PRPF8: variants seen among roughly 807,000 people sequenced by gnomAD.
PRPF8 encodes the protein pre-mRNA-processing-splicing factor 8.
PRPF8 carries 64 observed loss-of-function variants against 285.9 expected under a neutral mutation model. That is an observed-to-expected ratio of 0.22 (90% CI 0.18 to 0.28). The LOEUF (loss-of-function observed/expected upper bound fraction) is 0.28, where lower values mean the gene tolerates loss of function less well. Ranked by LOEUF, PRPF8 falls within the 10% of genes least tolerant of loss-of-function variation. The pLI, the probability that PRPF8 is intolerant of heterozygous loss-of-function variation, is 1.00. For missense variants in PRPF8, 1,426 were observed against 3,026.7 expected (o/e 0.47, Z 12.41); for synonymous variants, 1,325 against 1,118.2 (o/e 1.18, Z -3.69).
At chr17:1,668,033 T>A (rs1382344239) in intron 24 of PRPF8, among the ~76,000 whole-genome samples, 1 of 152,254 alleles carries the variant, frequency 6.6e-6, no homozygotes, top group Admixed American at 6.5e-5. Context: ...TTCATTTAAT[T>A]CTCACAAAAG....
chr17:1,663,760 A>G (rs955976220), intron 24 of PRPF8, among the ~76,000 whole-genome samples: 3 of 149,174 alleles, frequency 2.0e-5, no homozygotes, highest in Admixed American at 6.8e-5. Context: ...TATGCTGTCT[A>G]TAGGAAATAA....
intron 24 of PRPF8, among the ~76,000 whole-genome samples, chr17:1,671,850 C>CAAAAAAAAAA (rs1225346730): frequency 2.0e-5 from 1 of 49,810 alleles, no homozygotes; most frequent in Non-Finnish European, 4.1e-5. Context: ...GACTCCATCT[C>CAAAAAAAAAA]AAAAAAAAAA....
intron 24 of PRPF8, among the ~76,000 whole-genome samples, chr17:1,672,698 A>G (rs1912392279): frequency 6.6e-6 from 1 of 152,138 alleles, no homozygotes; most frequent in Non-Finnish European, 1.5e-5. Flanking sequence ...AGTGAAGGAG[A>G]AACGAACCCC....
In PRPF8 at chr17:1,683,798, G is replaced by A. The variant is rs1039244912; in HGVS notation, c.101-97C>T. ...AGCTCCTGTCAGTGAGTGTGAGGGAGAAGCAGGCACCAGCAGGAAGAAGCA... is the reference window on the plus strand; with the variant it reads ...AGCTCCTGTCAGTGAGTGTGAGGGAAAAGCAGGCACCAGCAGGAAGAAGCA... On this transcript the variant is annotated intron_variant, in intron 2 of 42. Coordinates refer to ENST00000304992, the MANE Select transcript of PRPF8 (RefSeq NM_006445.4). 5 of 1,460,216 alleles carry A rather than the reference G, an allele frequency of 3.4e-6. No homozygotes were observed. In the African/African-American group the frequency reaches 4.2e-5, roughly 12 times the overall value. 90.5% of individuals were successfully genotyped at this position (1,460,216 alleles called of 1,614,324 possible).
chr17:1,652,015 T>G (rs1428859505), intron 39 of PRPF8: 2 of 631,290 alleles, frequency 3.2e-6, no homozygotes, highest in African/African-American at 3.6e-5. Flanking sequence ...TCCAGGAATC[T>G]GCACTGCTCA....
At position 1,674,672 on chromosome 17, in the gene PRPF8, G is replaced by A. The variant is rs575422716; in HGVS notation, c.3069C>T (p.Asn1023=). 8 of 1,613,508 alleles carry A rather than the reference G, an allele frequency of 5.0e-6. No individual in the cohort carries two copies. The East Asian group carries it at 1.8e-4, about 36-fold the overall frequency. ...TGATGATCCCATATGAATTCGTATG[G>A]TTCATGTCCTAGAAAGAAAGAACTA... The part of the protein sequence containing the change: ...NNVVINYKDM[N]HTNSYGIIRG... Residue 1023 remains asparagine, a synonymous_variant, in exon 21 of 43, where the codon AAC becomes AAT. Coordinates refer to ENST00000304992, the MANE Select transcript of PRPF8 (RefSeq NM_006445.4).
chr17:1,666,222 A>C (rs1433882391), intron 24 of PRPF8, among the ~76,000 whole-genome samples: 1 of 151,894 alleles, frequency 6.6e-6, no homozygotes, highest in Admixed American at 6.6e-5. Flanking sequence ...ACCTTAACAA[A>C]CTAGCAAAGG....
In PRPF8 at chr17:1,678,899, AAC is replaced by A. The variant is rs1431487373; in HGVS notation, c.1600-20_1600-19del. The A allele has an allele frequency of 6.2e-7, 1 of 1,613,988 alleles. No individual in the cohort carries two copies. Among genetic ancestry groups the A allele is most frequent in the East Asian group, 2.2e-5 (1 of 44,900 alleles). On this transcript the variant is annotated intron_variant, in intron 11 of 42. Coordinates refer to ENST00000304992, the MANE Select transcript of PRPF8 (RefSeq NM_006445.4). Reference sequence around the variant, plus strand: ...TTTCTTTCCTGGAGAAGATGCAAAAAACAGACAGAACGTGAATGAGCAATGGA... The same window carrying A: ...TTTCTTTCCTGGAGAAGATGCAAAAAAGACAGAACGTGAATGAGCAATGGA...
Position 1,675,418 on chromosome 17 carries a change from T to A in PRPF8, c.2873-79A>T. On this transcript the variant is annotated intron_variant, in intron 19 of 42. Coordinates refer to ENST00000304992, the MANE Select transcript of PRPF8 (RefSeq NM_006445.4). This position sits in a 1 kb window ranked among gnomAD's most constrained non-coding sequence, Gnocchi z 6.0. ...AGCCCCACAGGAACTATCATTACCT[T>A]CCATAACCAATCCCACTATGATTCC... is the stretch of plus-strand genomic sequence containing the variant. 3 of 1,536,484 alleles carry A rather than the reference T, an allele frequency of 2.0e-6. No individual in the cohort carries two copies. Among genetic ancestry groups the A allele is most frequent in the East Asian group, 2.2e-5 (1 of 44,532 alleles).
At position 1,658,839 on chromosome 17, in the gene PRPF8, C is replaced by T. The variant is rs1911529234; in HGVS notation, c.5139-76G>A. ...GAAACAAGACAAGCTGCCAACTCTA[C>T]AGAGGAAGAAAGACTGTTCGCCAGG... On this transcript the variant is annotated intron_variant, in intron 32 of 42. Coordinates refer to ENST00000304992, the MANE Select transcript of PRPF8 (RefSeq NM_006445.4). This position sits in a 1 kb window ranked among gnomAD's most constrained non-coding sequence, Gnocchi z 4.1. 1 of 1,301,132 alleles carries T rather than the reference C, an allele frequency of 7.7e-7. No individual in the cohort carries two copies. Among genetic ancestry groups the T allele is most frequent in the African/African-American group, 1.5e-5 (1 of 68,516 alleles). The allele number at this position is 1,301,132 out of a possible 1,614,324, so 80.6% of individuals were successfully genotyped here. A position where few individuals can be genotyped will look rare whatever the true frequency, so the allele number is the denominator to read the frequency against.
rs750702838 is a variant in PRPF8 at position 1,655,444 on chromosome 17, G to A, written c.5893C>T (p.His1965Tyr). ...TCAGTCAGAGTGGGCCAGATGTGGTGTGGTTCTGTAATAGTAGTCTTGTCT... is the reference window on the plus strand; with the variant it reads ...TCAGTCAGAGTGGGCCAGATGTGGTATGGTTCTGTAATAGTAGTCTTGTCT... ...KPDKTTITEP[H>Y]HIWPTLTDEE... The change falls in exon 37 of 43, where the codon CAC (histidine) becomes TAC (tyrosine). Residue 1965 changes from histidine to tyrosine, a missense_variant. His to Tyr is a moderately conservative substitution (Grantham distance 83). Transcript: ENST00000304992. 6.2e-7 allele frequency: 1 copy of A among 1,614,124 alleles called. No homozygotes were observed. Among genetic ancestry groups the A allele is most frequent in the Admixed American group, 1.7e-5 (1 of 60,012 alleles).
In PRPF8 at chr17:1,679,461, TGCTAAAGGCTGCAAGCCTTGGGTTGTC is replaced by T. The variant is rs1207365893; in HGVS notation, c.1290-78_1290-52del. On this transcript the variant is annotated intron_variant, in intron 9 of 42. Coordinates refer to ENST00000304992, the MANE Select transcript of PRPF8 (RefSeq NM_006445.4). This position sits in a 1 kb window ranked among gnomAD's most constrained non-coding sequence, Gnocchi z 4.7. ...TGGCCATCTCTTCTTCCAGACACTC[TGCTAAAGGCTGCAAGCCTTGGGTTGTC>T]TACCATTTTTATGGGAAAAAAAAAA... 1.9e-6 allele frequency: 3 copies of T among 1,611,028 alleles called. No homozygotes were observed. The Admixed American group carries it at 5.0e-5, about 27-fold the overall frequency.
At chr17:1,681,102 G>A in intron 6 of PRPF8, 48 bp from the exon 7 acceptor site, 1 of 1,568,562 alleles carries the variant, frequency 6.4e-7, no homozygotes. Flanking sequence ...TTTTGAGACA[G>A]GGTCTCACTC....
chr17:1,663,129 G>A (rs1367780809), intron 24 of PRPF8, among the ~76,000 whole-genome samples: 1 of 152,090 alleles, frequency 6.6e-6, no homozygotes, highest in East Asian at 1.9e-4. Context: ...GTGATCCGTA[G>A]TAGACTAATG....
At chr17:1,662,447 G>T (rs2151117094) in intron 24 of PRPF8, among the ~76,000 whole-genome samples, 1 of 151,848 alleles carries the variant, frequency 6.6e-6, no homozygotes, top group South Asian at 2.1e-4. Flanking sequence ...GAATTAGCCG[G>T]GTGTGGTGGC....
chr17:1,663,033 A>G (rs954380016), intron 24 of PRPF8, among the ~76,000 whole-genome samples: 4 of 152,062 alleles, frequency 2.6e-5, no homozygotes, highest in African/African-American at 7.3e-5. Flanking sequence ...ATACATGTAC[A>G]ATTAAAATGT....
At chr17:1,660,865 C>T (rs750424660) in intron 28 of PRPF8, 38 bp from the exon 29 acceptor site, 1 of 1,613,134 alleles carries the variant, frequency 6.2e-7, no homozygotes, top group Admixed American at 1.7e-5. Context: ...GATATCCTGC[C>T]ATTTCCCAGC....
rs1396785942 is a variant in PRPF8 at position 1,662,067 on chromosome 17, T to C, written c.3861A>G (p.Leu1287=). The C allele has an allele frequency of 6.2e-7, 1 of 1,614,128 alleles. No homozygotes were observed. The highest frequency in any genetic ancestry group is 1.7e-5 in the Admixed American group (1 of 59,988). Residue 1287 remains leucine (L), a synonymous_variant, in exon 25 of 43, where the codon TTA becomes TTG. Coordinates refer to ENST00000304992, the MANE Select transcript of PRPF8 (RefSeq NM_006445.4). ...AVVNTQELLD[L]LVKCENKIQT... is the part of the protein sequence containing the mutation. ...GGATTTTGTTCTCACACTTCACCAG[T>C]AAGTCCAAGAGCTCTTGGGTGTTCA...
chr17:1,677,479 A>G, intron 14 of PRPF8, 86 bp downstream of exon 14: 1 of 1,574,402 alleles, frequency 6.4e-7, no homozygotes, highest in East Asian at 2.2e-5. Context: ...AAGAGTGCTC[A>G]TACAAGAGCA....
Sources: gnomAD v4.1 joint callset for allele counts (sites outside exome capture counted in the v4.1 genomes callset) on GRCh38, gnomAD v4.1.1 for gene constraint, Gnocchi (gnomAD v3.1) non-coding constraint, MANE v1.5 for transcripts, NCBI Gene and HGNC (gene_info 2026-07-23, HGNC 2026-07-21) for gene names.